ANKS6: variants seen among roughly 807,000 people sequenced by gnomAD.
The protein encoded by ANKS6 is ankyrin repeat and SAM domain-containing protein 6.
Under a neutral mutation model 77.9 loss-of-function variants are expected in ANKS6, and 47 were observed. The observed-to-expected ratio is 0.60, with a 90% CI of 0.48 to 0.77. The LOEUF is 0.77. ANKS6 is among the 30% of genes least tolerant of loss of function. The pLI is 0.00. For missense variants in ANKS6, 1,150 were observed against 1,159.1 expected (o/e 0.99, Z 0.11); for synonymous variants, 488 against 501.7 (o/e 0.97, Z 0.37).
intron 1 of ANKS6, among the ~76,000 whole-genome samples, chr9:98,793,154 T>C (rs372958697): frequency 7.2e-5 from 11 of 152,200 alleles, no homozygotes; most frequent in Admixed American, 3.3e-4. Flanking sequence ...AGGCAGGAAA[T>C]GAAGGGTAGG....
chr9:98,787,491 G>T (rs1020887071), intron 2 of ANKS6, among the ~76,000 whole-genome samples: 1 of 152,030 alleles, frequency 6.6e-6, no homozygotes, highest in Admixed American at 6.5e-5. Flanking sequence ...CAAGGTCAGG[G>T]ATTTGGATCT....
In ANKS6 at chr9:98,778,252, T is replaced by A. The variant is rs761881597; in HGVS notation, c.1541A>T (p.Asp514Val). 6.2e-7 allele frequency: 1 copy of A among 1,614,190 alleles called. No homozygotes were observed. The highest frequency in any genetic ancestry group is 1.1e-5 in the South Asian group (1 of 91,064). Residue 514 changes from aspartate (D) to valine (V), a missense_variant, in exon 7 of 15, where the codon GAT (aspartate) becomes GTT (valine). Asp to Val is a radical substitution (Grantham distance 152, BLOSUM62 -3). Transcript: ENST00000353234. Reference protein sequence around the residue: ...QDKTSRSALPDAAPVTKDNGP... With the variant: ...QDKTSRSALPVAAPVTKDNGP... ...ATTGTCTTTGGTCACAGGGGCCGCA[T>A]CAGGGAGTGCAGAGCGGCTTGTCTT...
chr9:98,750,612 C>CT (rs1373396246), intron 13 of ANKS6, among the ~76,000 whole-genome samples: 2 of 152,252 alleles, frequency 1.3e-5, no homozygotes, highest in African/African-American at 4.8e-5. Context: ...GAACAGTATT[C>CT]TTTTTTTAAT....
rs958589035 is a variant in ANKS6 at position 98,733,144 on chromosome 9, G to C, written c.*3375C>G. The C allele has an allele frequency of 1.0e-6, 1 of 957,530 alleles. No individual in the cohort carries two copies. Among genetic ancestry groups the C allele is most frequent in the Non-Finnish European group, 1.2e-6 (1 of 804,464 alleles). 59.3% of individuals were successfully genotyped at this position (957,530 alleles called of 1,614,324 possible). A position where few individuals can be genotyped will look rare whatever the true frequency, so the allele number is the denominator to read the frequency against. On this transcript the variant is annotated 3_prime_UTR_variant, in exon 15 of 15. Transcript: ENST00000353234. ...AGAGAAGTCCTTTTTCATCTTTGGAGACAGAGCGTACGAGTAGGGCTGGCA... is the reference window on the plus strand; with the variant it reads ...AGAGAAGTCCTTTTTCATCTTTGGACACAGAGCGTACGAGTAGGGCTGGCA...
chr9:98,779,765 G>A (rs1002526208), intron 6 of ANKS6, among the ~76,000 whole-genome samples: 55 of 152,096 alleles, frequency 3.6e-4, no homozygotes, highest in African/African-American at 1.2e-3. Context: ...CCGGGTTCAC[G>A]CCATTCTCCT....
chr9:98,768,140 C>T lies in ANKS6; in HGVS notation c.2083G>A (p.Gly695Arg), dbSNP rs375612759. ...GCTGGAAGCTCAGACGGGCTGGACC[C>T]CGGTGCTGGCCCCACAGGGCTTGAC... ...HRSSPVGPAPGSSPSELPASP... is the reference protein window; with the variant it reads ...HRSSPVGPAPRSSPSELPASP... Residue 695 changes from glycine to arginine, a missense_variant, in exon 11 of 15, where the codon GGG becomes AGG. Physicochemically the swap from Gly to Arg is moderately radical, Grantham distance 125 (BLOSUM62 -2). Coordinates refer to ENST00000353234, the MANE Select transcript of ANKS6 (RefSeq NM_173551.5). The T allele has an allele frequency of 1.7e-4, 272 of 1,613,512 alleles. No individual in the cohort carries two copies. The highest frequency in any genetic ancestry group is 2.2e-4 in the Non-Finnish European group (264 of 1,179,930).
At chr9:98,782,255 G>A (rs1834311447) in intron 5 of ANKS6, among the ~76,000 whole-genome samples, 1 of 152,276 alleles carries the variant, frequency 6.6e-6, no homozygotes, top group Admixed American at 6.5e-5. Context: ...GCTGGAGGAA[G>A]TCCCCGGGGC....
chr9:98,790,041 G>A, intron 2 of ANKS6, 63 bp downstream of exon 2: 1 of 1,513,290 alleles, frequency 6.6e-7, no homozygotes, highest in South Asian at 1.3e-5. Context: ...GCAATCCTCA[G>A]CTTAAGCCAC....
chr9:98,789,639 CCT>C (rs1834777034), intron 2 of ANKS6, among the ~76,000 whole-genome samples: 1 of 152,120 alleles, frequency 6.6e-6, no homozygotes, highest in Non-Finnish European at 1.5e-5. Flanking sequence ...CCTAGCCATA[CCT>C]GACTCATTTA....
At chr9:98,767,398 T>A (rs1284161606) in intron 11 of ANKS6, among the ~76,000 whole-genome samples, 2 of 152,102 alleles carry the variant, frequency 1.3e-5, no homozygotes, top group Non-Finnish European at 2.9e-5. Context: ...CAGATCCCCA[T>A]CCAGATGGCC....
chr9:98,757,360 G>C (rs1832768809), intron 11 of ANKS6, among the ~76,000 whole-genome samples: 1 of 152,186 alleles, frequency 6.6e-6, no homozygotes, highest in Non-Finnish European at 1.5e-5. Context: ...CCTCTGACCT[G>C]TGACAGCGCT....
intron 11 of ANKS6, among the ~76,000 whole-genome samples, chr9:98,767,850 C>A (rs902992557): frequency 6.6e-6 from 1 of 152,214 alleles, no homozygotes; most frequent in African/African-American, 2.4e-5. Context: ...GTGTACCCTG[C>A]CACTGTGCAG....
At chr9:98,781,433 A>G (rs1019275739) in intron 5 of ANKS6, among the ~76,000 whole-genome samples, 2 of 152,212 alleles carry the variant, frequency 1.3e-5, no homozygotes, top group African/African-American at 2.4e-5. Context: ...CTGATTCCGA[A>G]TAACAAACTC....
intron 8 of ANKS6, among the ~76,000 whole-genome samples, chr9:98,774,857 A>T (rs1833837836): frequency 6.6e-6 from 1 of 152,254 alleles, no homozygotes. Context: ...GGAGCTTTGC[A>T]GCAACGGGCA....
chr9:98,778,543 G>A, intron 6 of ANKS6, 119 bp from the exon 7 acceptor site: 1 of 894,782 alleles, frequency 1.1e-6, no homozygotes, highest in Non-Finnish European at 1.7e-6. Context: ...CCCTCTCCTG[G>A]GGCCCAGACA....
At chr9:98,794,646 C>CT (rs1835081200) in intron 1 of ANKS6, among the ~76,000 whole-genome samples, 1 of 152,160 alleles carries the variant, frequency 6.6e-6, no homozygotes, top group Admixed American at 6.5e-5. Flanking sequence ...AACTGATGAT[C>CT]TGGGGTCTCT....
intron 11 of ANKS6, among the ~76,000 whole-genome samples, chr9:98,757,413 G>C (rs1832772491): frequency 6.6e-6 from 1 of 152,100 alleles, no homozygotes; most frequent in Admixed American, 6.6e-5. Context: ...GGGAAATCTT[G>C]GTCAGGTATT....
At chr9:98,752,368 G>A (rs936687673) in intron 12 of ANKS6, among the ~76,000 whole-genome samples, 6 of 152,164 alleles carry the variant, frequency 3.9e-5, no homozygotes, top group Admixed American at 6.5e-5. Flanking sequence ...AAGTGATTAG[G>A]AGGCTTAGGT....
chr9:98,778,597 G>T (rs551403365), intron 6 of ANKS6, among the ~76,000 whole-genome samples, 173 bp from the exon 7 acceptor site: 2 of 152,308 alleles, frequency 1.3e-5, no homozygotes, highest in Non-Finnish European at 2.9e-5. Flanking sequence ...ATAAGCCATG[G>T]TTACTCACTA....
Sources: allele counts gnomAD v4.1 joint callset (sites outside exome capture counted in the v4.1 genomes callset), GRCh38; gene constraint gnomAD v4.1.1; transcripts MANE v1.5; gene names NCBI Gene and HGNC (gene_info 2026-07-23, HGNC 2026-07-21).